The following TNP1 variants were observed in gnomAD, a reference collection of about 807,000 sequenced individuals.
TNP1 encodes spermatid nuclear transition protein 1.
A neutral mutation model predicts 5.8 loss-of-function variants in TNP1; 1 was observed. The observed-to-expected ratio is 0.17, with a 90% CI of 0.06 to 0.82. The LOEUF is 0.82. Ranked by LOEUF, TNP1 falls within the 40% of genes least tolerant of loss-of-function variation. The pLI is 0.72. For missense variants in TNP1, 71 were observed against 75.5 expected, an observed-to-expected ratio of 0.94 and a Z score of 0.22; for synonymous variants, 22 against 25.3, an observed-to-expected ratio of 0.87 and a Z score of 0.40.
intron 1 of TNP1, 99 bp downstream of exon 1, chr2:216,859,797 G>C: frequency 6.2e-7 from 1 of 1,613,598 alleles, no homozygotes; most frequent in Non-Finnish European, 8.5e-7. Flanking sequence ...ATAATCTCAG[G>C]CCAAGATTTC....
Position 216,859,545 on chromosome 2 carries a change from C to A in TNP1, c.*122G>T. The A allele has an allele frequency of 7.9e-7, 1 of 1,268,644 alleles. No individual in the cohort carries two copies. The highest frequency in any genetic ancestry group is 1.1e-6 in the Non-Finnish European group (1 of 890,202). The allele number at this position is 1,268,644 out of a possible 1,614,324, so 78.6% of individuals were successfully genotyped here. ...TTCGTCACAACTGGCATTTGATCCA[C>A]ATTCCATAGGCTCCTCTCTGGCTTT... On this transcript the variant is annotated 3_prime_UTR_variant, in exon 2 of 2. Transcript: ENST00000236979.
chr2:216,860,040 G>T lies in TNP1; in HGVS notation c.-6C>A. The T allele has an allele frequency of 6.2e-7, 1 of 1,614,050 alleles. No homozygotes were observed. Among genetic ancestry groups the T allele is most frequent in the Non-Finnish European group, 8.5e-7 (1 of 1,180,032 alleles). ...AATTTGCGGCTGGTCGACATGGTAA[G>T]TTCTGCCAAAATGAGGGGCTTTGCA... On this transcript the variant is annotated 5_prime_UTR_variant, in exon 1 of 2. Transcript: ENST00000236979.
intron 1 of TNP1, 42 bp downstream of exon 1, chr2:216,859,852 ATG>A: frequency 6.2e-7 from 1 of 1,614,158 alleles, no homozygotes; most frequent in Non-Finnish European, 8.5e-7. Flanking sequence ...CCTGGCAGCA[ATG>A]TGTGCCTAAG....
chr2:216,859,565 G>T lies in TNP1; in HGVS notation c.*102C>A. On this transcript the variant is annotated 3_prime_UTR_variant, in exon 2 of 2. Coordinates refer to ENST00000236979, the MANE Select transcript of TNP1 (RefSeq NM_003284.4). Reference sequence around the variant, plus strand: ...ATCCACATTCCATAGGCTCCTCTCTGGCTTTGATCTAACATCAGGTCTCCT... The same window carrying T: ...ATCCACATTCCATAGGCTCCTCTCTTGCTTTGATCTAACATCAGGTCTCCT... The T allele has an allele frequency of 6.9e-7, 1 of 1,457,302 alleles. No homozygotes were observed. Among genetic ancestry groups the T allele is most frequent in the Non-Finnish European group, 9.6e-7 (1 of 1,044,002 alleles). The allele number at this position is 1,457,302 out of a possible 1,614,324, so 90.3% of individuals were successfully genotyped here. A position where few individuals can be genotyped will look rare whatever the true frequency, so the allele number is the denominator to read the frequency against.
At position 216,859,664 on chromosome 2, in the gene TNP1, G is replaced by A. The variant is rs763425353; in HGVS notation, c.*3C>T. ...GCGCACCAGGGCAGAGCCCGCTGGG[G>A]GCTCACAAGTGGGAGCGGTAATTGC... On this transcript the variant is annotated 3_prime_UTR_variant, in exon 2 of 2. Transcript: ENST00000236979. The A allele has an allele frequency of 7.4e-6, 12 of 1,614,200 alleles. 1 individual carries two copies. The highest frequency in any genetic ancestry group is 1.6e-4 in the Middle Eastern group (1 of 6,062).
In TNP1 at chr2:216,859,785, A is replaced by G; in HGVS notation, c.140-90T>C. 1.9e-6 allele frequency: 3 copies of G among 1,613,746 alleles called. No homozygotes were observed. In the East Asian group the frequency reaches 6.7e-5, roughly 36 times the overall value. ...GCTCAAATCTGCATTTAGTTATTGGAAATAATCTCAGGCCAAGATTTCAGG... is the reference window on the plus strand; with the variant it reads ...GCTCAAATCTGCATTTAGTTATTGGGAATAATCTCAGGCCAAGATTTCAGG... On this transcript the variant is annotated intron_variant, in intron 1 of 1. Coordinates refer to ENST00000236979, the MANE Select transcript of TNP1 (RefSeq NM_003284.4).
chr2:216,859,828 T>A, intron 1 of TNP1, 68 bp downstream of exon 1: 1 of 1,614,102 alleles, frequency 6.2e-7, no homozygotes, highest in South Asian at 1.1e-5. Context: ...GAGAGCTGCC[T>A]CCAAGAGGGA....
In TNP1 at chr2:216,860,021, C is replaced by A. The variant is rs779305440; in HGVS notation, c.14G>T (p.Arg5Leu). MSTSRKLKSHGMRRS... is the reference protein window; with the variant it reads MSTSLKLKSHGMRRS... The stretch of plus-strand genomic sequence containing the variant: ...CCTCATGCCATGACTCTTTAATTTG[C>A]GGCTGGTCGACATGGTAAGTTCTGC... Residue 5 changes from arginine (R) to leucine (L), a missense_variant, in exon 1 of 2, where the codon CGC (arginine) becomes CTC (leucine). Physicochemically the swap from Arg to Leu is moderately radical, Grantham distance 102. Transcript: ENST00000236979. The A allele has an allele frequency of 3.1e-6, 5 of 1,613,936 alleles. No homozygotes were observed. The South Asian group carries it at 3.3e-5, about 11-fold the overall frequency.
In TNP1 at chr2:216,859,711, G is replaced by A. The variant is rs756861746; in HGVS notation, c.140-16C>T. ...TTGCGATTGGCTGTGGGAAAGGACA[G>A]GTTTGCAACAGAGACACGAATTAGA... is the stretch of plus-strand genomic sequence containing the variant. On this transcript the variant is annotated splice_polypyrimidine_tract_variant and intron_variant, in intron 1 of 1. Coordinates refer to ENST00000236979, the MANE Select transcript of TNP1 (RefSeq NM_003284.4). 5.0e-6 allele frequency: 8 copies of A among 1,614,050 alleles called. No individual in the cohort carries two copies. Among genetic ancestry groups the A allele is most frequent in the Non-Finnish European group, 6.8e-6 (8 of 1,180,030 alleles).
chr2:216,859,908 G>A lies in TNP1; in HGVS notation c.127C>T (p.Arg43Trp), dbSNP rs561435538. The change falls in exon 1 of 2, where the codon CGG becomes TGG. Residue 43 changes from arginine (R) to tryptophan (W), a missense_variant. Physicochemically the swap from Arg to Trp is moderately radical, Grantham distance 101. Coordinates refer to ENST00000236979, the MANE Select transcript of TNP1 (RefSeq NM_003284.4). ...ATCCCTCACTCACCGTCATCGCCCC[G>A]TTTCCTACTTTTCAGGTTGCCCTTA... ...YRKGNLKSRK[R>W]GDDANRNYRS... 35 of 1,614,154 alleles carry A rather than the reference G, an allele frequency of 2.2e-5. No individual in the cohort carries two copies. The highest frequency in any genetic ancestry group is 1.6e-4 in the Middle Eastern group (1 of 6,062).
chr2:216,859,647 G>A lies in TNP1; in HGVS notation c.*20C>T. On this transcript the variant is annotated 3_prime_UTR_variant, in exon 2 of 2. Coordinates refer to ENST00000236979, the MANE Select transcript of TNP1 (RefSeq NM_003284.4). ...GCTTGGTGCTGTGTGAAGCGCACCA[G>A]GGCAGAGCCCGCTGGGGGCTCACAA... The A allele has an allele frequency of 6.2e-7, 1 of 1,614,156 alleles. No individual in the cohort carries two copies. Among genetic ancestry groups the A allele is most frequent in the East Asian group, 2.2e-5 (1 of 44,880 alleles).
At position 216,859,530 on chromosome 2, in the gene TNP1, C is replaced by A; in HGVS notation, c.*137G>T. 1 of 1,070,068 alleles carries A rather than the reference C, an allele frequency of 9.3e-7. No individual in the cohort carries two copies. The highest frequency in any genetic ancestry group is 2.3e-4 in the Middle Eastern group (1 of 4,434). 66.3% of individuals were successfully genotyped at this position (1,070,068 alleles called of 1,614,324 possible). A position where few individuals can be genotyped will look rare whatever the true frequency, so the allele number is the denominator to read the frequency against. On this transcript the variant is annotated 3_prime_UTR_variant, in exon 2 of 2. Coordinates refer to ENST00000236979, the MANE Select transcript of TNP1 (RefSeq NM_003284.4). ...ATATACATTCCTCATTTCGTCACAA[C>A]TGGCATTTGATCCACATTCCATAGG...
rs747107151 is a variant in TNP1, at chr2:216,859,935, G to A, written c.100C>T (p.Arg34Cys). The change falls in exon 1 of 2, where the codon CGT (arginine) becomes TGT (cysteine). Residue 34 changes from arginine (R) to cysteine (C), a missense_variant. Arg to Cys is a radical substitution (Grantham distance 180). Coordinates refer to ENST00000236979, the MANE Select transcript of TNP1 (RefSeq NM_003284.4). ...TTCCTACTTTTCAGGTTGCCCTTAC[G>A]GTATTTTCTTTTGCTGCCACCTCTC... is the stretch of plus-strand genomic sequence containing the variant. ...VKRGGSKRKY[R>C]KGNLKSRKRG... 9 of 1,613,986 alleles carry A rather than the reference G, an allele frequency of 5.6e-6. No homozygotes were observed. The highest frequency in any genetic ancestry group is 1.7e-5 in the Admixed American group (1 of 59,998).
Position 216,859,930 on chromosome 2 carries a change from C to T in TNP1, c.105G>A (p.Lys35=). Residue 35 remains lysine (K), a synonymous_variant, in exon 1 of 2, where the codon AAG becomes AAA. Coordinates refer to ENST00000236979, the MANE Select transcript of TNP1 (RefSeq NM_003284.4). The part of the protein sequence containing the change: ...KRGGSKRKYR[K]GNLKSRKRGD... ...CCCGTTTCCTACTTTTCAGGTTGCC[C>T]TTACGGTATTTTCTTTTGCTGCCAC... 1.2e-6 allele frequency: 2 copies of T among 1,614,190 alleles called. No homozygotes were observed. The highest frequency in any genetic ancestry group is 1.7e-6 in the Non-Finnish European group (2 of 1,180,034).
chr2:216,859,647 G>C lies in TNP1; in HGVS notation c.*20C>G, dbSNP rs1295538687. ...GCTTGGTGCTGTGTGAAGCGCACCAGGGCAGAGCCCGCTGGGGGCTCACAA... is the reference window on the plus strand; with the variant it reads ...GCTTGGTGCTGTGTGAAGCGCACCACGGCAGAGCCCGCTGGGGGCTCACAA... On this transcript the variant is annotated 3_prime_UTR_variant, in exon 2 of 2. Coordinates refer to ENST00000236979, the MANE Select transcript of TNP1 (RefSeq NM_003284.4). The C allele has an allele frequency of 4.3e-6, 7 of 1,614,038 alleles. No homozygotes were observed. In the Admixed American group the frequency reaches 1.2e-4, roughly 27 times the overall value.
In TNP1 at chr2:216,859,640, C is replaced by T. The variant is rs374598465; in HGVS notation, c.*27G>A. ...TGTTGCTGCTTGGTGCTGTGTGAAG[C>T]GCACCAGGGCAGAGCCCGCTGGGGG... On this transcript the variant is annotated 3_prime_UTR_variant, in exon 2 of 2. Coordinates refer to ENST00000236979, the MANE Select transcript of TNP1 (RefSeq NM_003284.4). 9.0e-5 allele frequency: 145 copies of T among 1,613,836 alleles called. No individual in the cohort carries two copies. Among genetic ancestry groups the T allele is most frequent in the Non-Finnish European group, 1.0e-4 (121 of 1,179,874 alleles).
intron 1 of TNP1, 60 bp from the exon 2 acceptor site, chr2:216,859,755 T>C (rs1225114275): frequency 8.7e-6 from 14 of 1,613,906 alleles, no homozygotes; most frequent in Non-Finnish European, 1.2e-5. Flanking sequence ...ATCAAGACTC[T>C]TGTTGCTCAA....
chr2:216,859,973 T>A lies in TNP1; in HGVS notation c.62A>T (p.His21Leu). ...GCTGCCACCTCTCTTGACTCCCTTGTGAGGAGATCGGCTCTTGCTCCTCCT... is the reference window on the plus strand; with the variant it reads ...GCTGCCACCTCTCTTGACTCCCTTGAGAGGAGATCGGCTCTTGCTCCTCCT... Reference protein sequence around the residue: ...GMRRSKSRSPHKGVKRGGSKR... With the variant: ...GMRRSKSRSPLKGVKRGGSKR... Residue 21 changes from histidine to leucine, a missense_variant, in exon 1 of 2, where the codon CAC (histidine) becomes CTC (leucine). Physicochemically the swap from His to Leu is moderately conservative, Grantham distance 99. Transcript: ENST00000236979. 1 of 1,614,206 alleles carries A rather than the reference T, an allele frequency of 6.2e-7. No homozygotes were observed.
chr2:216,859,874 C>A, intron 1 of TNP1, 22 bp downstream of exon 1: 1 of 1,614,194 alleles, frequency 6.2e-7, no homozygotes, highest in Non-Finnish European at 8.5e-7. Flanking sequence ...GTTTGGCAAT[C>A]TCCTCCCCAT....
Sources: allele counts gnomAD v4.1 joint callset, GRCh38; gene constraint gnomAD v4.1.1; transcripts MANE v1.5; gene names NCBI Gene and HGNC (gene_info 2026-07-23, HGNC 2026-07-21).